The following SVIL variants were observed in gnomAD, a reference collection of about 807,000 sequenced individuals.
The protein encoded by SVIL is archvillin.
A neutral mutation model predicts 240.4 loss-of-function variants in SVIL; 101 were observed. The ratio of observed to expected loss-of-function variants is 0.42; its 90% CI spans 0.36 to 0.50. SVIL has a LOEUF of 0.50. Ranked by LOEUF, SVIL falls within the 20% of genes least tolerant of loss-of-function variation. The pLI is 0.01. For missense variants in SVIL, 2,512 were observed against 2,818.7 expected, an observed-to-expected ratio of 0.89 and a Z score of 2.46; for synonymous variants, 999 against 1,100.0, an observed-to-expected ratio of 0.91 and a Z score of 1.82.
In SVIL at chr10:29,569,273, C is replaced by T. The variant is rs564716546; in HGVS notation, c.-161G>A. The T allele has an allele frequency of 2.8e-5, 28 of 985,666 alleles. No homozygotes were observed. The highest frequency in any genetic ancestry group is 1.2e-4 in the Admixed American group (2 of 16,270). The allele number at this position is 985,666 out of a possible 1,614,324, so 61.1% of individuals were successfully genotyped here. On this transcript the variant is annotated 5_prime_UTR_variant, in exon 2 of 38. Transcript: ENST00000355867. ...ACTTTACCTTGAAACTTTCCTTTGA[C>T]GTGGGAATCCAAGGAAGCTTAAGTT...
chr10:29,679,627 C>T (rs1002137223), intron 2 of SVIL, among the ~76,000 whole-genome samples: 1 of 150,126 alleles, frequency 6.7e-6, no homozygotes, highest in African/African-American at 2.5e-5. Context: ...CTGATCACGG[C>T]TCACTGCAGC....
At chr10:29,469,105 A>G (rs1243684721) in intron 32 of SVIL, 1 of 152,090 alleles carries the variant, frequency 6.6e-6, no homozygotes, top group Non-Finnish European at 1.5e-5. Context: ...GGTACTCAAT[A>G]AATGTTTGTT....
At chr10:29,572,773 AAAAAAAAAG>A in intron 1 of SVIL, among the ~76,000 whole-genome samples, 1 of 151,098 alleles carries the variant, frequency 6.6e-6, no homozygotes, top group Non-Finnish European at 1.5e-5. Context: ...CAAAAAAAAA[AAAAAAAAAG>A]AAAAAGAAAA....
intron 2 of SVIL, among the ~76,000 whole-genome samples, chr10:29,680,006 C>T (rs937598056): frequency 3.3e-5 from 5 of 151,914 alleles, no homozygotes; most frequent in Non-Finnish European, 5.9e-5. Context: ...ATAGCGAGAT[C>T]CTATCTCTCC....
chr10:29,558,733 T>G (rs1954171348), intron 3 of SVIL, among the ~76,000 whole-genome samples: 1 of 151,322 alleles, frequency 6.6e-6, no homozygotes, highest in Admixed American at 6.6e-5. Flanking sequence ...TTGAGACTAG[T>G]GTGGCTAACA....
At chr10:29,642,722 C>T (rs1021206501) in intron 3 of SVIL, among the ~76,000 whole-genome samples, 15 of 152,094 alleles carry the variant, frequency 9.9e-5, no homozygotes, top group African/African-American at 2.2e-4. Context: ...CTCACTCTGT[C>T]GCCCAGGCTG....
rs1944530474 is a variant in SVIL at position 29,463,603 on chromosome 10, A to C, written c.6166T>G (p.Tyr2056Asp). Residue 2056 changes from tyrosine to aspartate, a missense_variant, in exon 35 of 38, where the codon TAC becomes GAC. Transcript: ENST00000355867. Reference sequence around the variant, plus strand: ...ATGGGCCACCAGCCTTGCCAGAGGTACACCTCGTGGTGATTGTCAACAAGG... The same window carrying C: ...ATGGGCCACCAGCCTTGCCAGAGGTCCACCTCGTGGTGATTGTCAACAAGG... Reference protein sequence around the residue: ...LFLVDNHHEVYLWQGWWPIEN... With the variant: ...LFLVDNHHEVDLWQGWWPIEN... The C allele has an allele frequency of 6.2e-7, 1 of 1,614,148 alleles. No individual in the cohort carries two copies. Among genetic ancestry groups the C allele is most frequent in the Non-Finnish European group, 8.5e-7 (1 of 1,180,022 alleles).
At chr10:29,635,655 C>T (rs1196160225), upstream of SVIL, among the ~76,000 whole-genome samples, 2 of 152,134 alleles carry the variant, frequency 1.3e-5, no homozygotes, top group African/African-American at 4.8e-5. Flanking sequence ...TCTTAAATGG[C>T]CATATGCATT....
chr10:29,580,320 C>T (rs932827979), intron 1 of SVIL, among the ~76,000 whole-genome samples: 3 of 152,078 alleles, frequency 2.0e-5, no homozygotes, highest in African/African-American at 4.8e-5. Flanking sequence ...TGCACTCATC[C>T]AGTGTGGGCA....
chr10:29,550,805 G>A lies in SVIL; in HGVS notation c.619C>T (p.Arg207Ter). ...CGGGTGGCACTCAGCTCTTGACCTC[G>A]TCTTTGGTTTTCTATGTTCAGCAGC... Reference protein sequence around the residue: ...EVLLNIENQRRGQELSATRQA... With the variant: ...EVLLNIENQR The change falls in exon 6 of 38, where the codon CGA (arginine) becomes TGA (stop). Residue 207 changes from arginine to a stop codon, truncating the protein, a stop_gained. Transcript: ENST00000355867. LOFTEE classifies it high-confidence loss of function. 6.2e-7 allele frequency: 1 copy of A among 1,614,106 alleles called. No homozygotes were observed. The highest frequency in any genetic ancestry group is 8.5e-7 in the Non-Finnish European group (1 of 1,180,028).
chr10:29,502,275 C>T (rs1948952088), intron 17 of SVIL, among the ~76,000 whole-genome samples: 1 of 152,126 alleles, frequency 6.6e-6, no homozygotes, highest in Admixed American at 6.5e-5. Flanking sequence ...GGGTGTAAAG[C>T]ATATACAGTT....
intron 1 of SVIL, among the ~76,000 whole-genome samples, chr10:29,622,249 C>CA (rs71020801): frequency 0.024 from 1,243 of 51,540 alleles, 255 homozygotes; most frequent in East Asian, 0.13. Context: ...GACTCCGTCT[C>CA]AAAAAAAAAA....
intron 2 of SVIL, 40 bp from the exon 3 acceptor site, chr10:29,563,332 T>C (rs1954681103): frequency 1.1e-6 from 1 of 910,620 alleles, no homozygotes; most frequent in African/African-American, 1.8e-5. Context: ...TCCATTTAAA[T>C]AAAGATATAT....
intron 32 of SVIL, 79 bp downstream of exon 32, chr10:29,470,197 G>A: frequency 1.3e-6 from 2 of 1,532,206 alleles, no homozygotes; most frequent in Non-Finnish European, 1.8e-6. Context: ...TCTGCTGGGA[G>A]TCTTGGTACC....
At chr10:29,532,351 A>G (rs1168745118) in intron 8 of SVIL, among the ~76,000 whole-genome samples, 178 bp downstream of exon 8, 2 of 152,216 alleles carry the variant, frequency 1.3e-5, no homozygotes, top group African/African-American at 4.8e-5. Flanking sequence ...CTAGTTCCCC[A>G]TTAGTAGGCA....
chr10:29,577,338 A>G (rs1462836045), intron 1 of SVIL, among the ~76,000 whole-genome samples: 1 of 152,088 alleles, frequency 6.6e-6, no homozygotes, highest in Non-Finnish European at 1.5e-5. Context: ...CTCCTCTCCC[A>G]ACCTTCCCCT....
At chr10:29,647,624 G>GGGGTGTGT (rs148132418) in intron 3 of SVIL, among the ~76,000 whole-genome samples, 13,990 of 151,566 alleles carry the variant, frequency 0.092, 698 homozygotes, top group Middle Eastern at 0.14. Context: ...TGCAAATATA[G>GGGGTGTGT]GTGTGTGTGT....
chr10:29,619,387 A>G (rs187944597), intron 1 of SVIL, among the ~76,000 whole-genome samples: 1 of 152,356 alleles, frequency 6.6e-6, no homozygotes, highest in East Asian at 1.9e-4. Flanking sequence ...AGTTAAAACT[A>G]AAACTAACCA....
chr10:29,466,937 T>C (rs1257809677), intron 33 of SVIL, among the ~76,000 whole-genome samples: 2 of 152,218 alleles, frequency 1.3e-5, no homozygotes, highest in African/African-American at 4.8e-5. Context: ...CAGAGTATTA[T>C]GGAGCAGTTA....
Sources: allele counts gnomAD v4.1 joint callset (sites outside exome capture counted in the v4.1 genomes callset), GRCh38; gene constraint gnomAD v4.1.1; transcripts MANE v1.5; gene names NCBI Gene and HGNC (gene_info 2026-07-23, HGNC 2026-07-21).